The following TENM2 variants were observed in gnomAD, a reference collection of about 807,000 sequenced individuals.
TENM2 encodes the protein teneurin transmembrane protein 2, also known as teneurin-2.
A neutral mutation model predicts 245.2 loss-of-function variants in TENM2; 52 were observed. The ratio of observed to expected loss-of-function variants is 0.21; its 90% CI spans 0.17 to 0.27. The LOEUF (loss-of-function observed/expected upper bound fraction) is 0.27. Among genes scored for constraint, TENM2 ranks in the 10% least tolerant of loss-of-function variants. The probability of loss-of-function intolerance (pLI) is 1.00; values close to 1 mark genes in which losing one functional copy is unlikely to be tolerated. For missense variants in TENM2, 3,046 were observed against 3,666.8 expected, an observed-to-expected ratio of 0.83 and a Z score of 4.37; for synonymous variants, 1,363 against 1,438.9, an observed-to-expected ratio of 0.95 and a Z score of 1.19.
At chr5:167,321,404 G>T (rs973685978) in intron 1 of TENM2, among the ~76,000 whole-genome samples, 6 of 152,138 alleles carry the variant, frequency 3.9e-5, no homozygotes, top group Admixed American at 3.9e-4. Flanking sequence ...GAATCACATA[G>T]AAGTTATTTT....
At chr5:167,537,364 A>G (rs1486501742) in intron 2 of TENM2, among the ~76,000 whole-genome samples, 1 of 152,102 alleles carries the variant, frequency 6.6e-6, no homozygotes. Context: ...TGTATTTATT[A>G]TAATGCTGGT....
the TENM2 span, among the ~76,000 whole-genome samples, chr5:167,213,661 G>T: frequency 6.6e-6 from 1 of 152,164 alleles, no homozygotes; most frequent in Non-Finnish European, 1.5e-5. Context: ...TTGTGAGAAG[G>T]ATCTGACAAC....
the TENM2 span, among the ~76,000 whole-genome samples, chr5:167,077,891 C>T: frequency 2.0e-5 from 3 of 151,988 alleles, no homozygotes; most frequent in South Asian, 2.1e-4. Flanking sequence ...CAAAGTAGTC[C>T]AGAGGTGTTT....
chr5:167,920,878 C>T (rs528721213), intron 3 of TENM2, among the ~76,000 whole-genome samples: 1 of 152,254 alleles, frequency 6.6e-6, no homozygotes, highest in African/African-American at 2.4e-5. Context: ...AAAATGAACA[C>T]CTGACATATT....
rs540802602 is a variant in TENM2 at position 167,910,060 on chromosome 5, C to T, written c.712+33865C>T. 9.9e-5 allele frequency among the ~76,000 whole-genome samples: 15 copies of T among 152,102 alleles called. No individual in the cohort carries two copies. In the South Asian group the frequency reaches 3.1e-3, roughly 32 times the overall value. On this transcript the variant is annotated intron_variant, in intron 3 of 28. Transcript: ENST00000518659. ...GACTTCCACAAAATGAGATTTTGAT[C>T]TGGTACTTTTGGATGTGTAATTTAT...
chr5:167,867,458 C>T (rs2909799), intron 2 of TENM2, among the ~76,000 whole-genome samples: 2 of 151,946 alleles, frequency 1.3e-5, no homozygotes, highest in Admixed American at 6.5e-5. Context: ...TAACTGGGGC[C>T]GGTCCAACAG....
chr5:168,216,611 G>A (rs371785583), intron 21 of TENM2, among the ~76,000 whole-genome samples, 157 bp from the exon 24 acceptor site: 22 of 152,140 alleles, frequency 1.4e-4, no homozygotes, highest in Admixed American at 4.6e-4. Context: ...AGGATCTTGC[G>A]TTAGAAGGCT....
chr5:167,745,581 A>G (rs1761502618), intron 2 of TENM2, among the ~76,000 whole-genome samples: 1 of 152,214 alleles, frequency 6.6e-6, no homozygotes, highest in Non-Finnish European at 1.5e-5. Flanking sequence ...CACAATTTTC[A>G]GCAAATTTAT....
chr5:168,148,046 T>G (rs1432032074), intron 12 of TENM2, among the ~76,000 whole-genome samples: 1 of 152,172 alleles, frequency 6.6e-6, no homozygotes, highest in Non-Finnish European at 1.5e-5. Context: ...TGTAGCTTTA[T>G]TGGAAAAATC....
chr5:168,226,481 A>G (rs1316144738), intron 24 of TENM2, among the ~76,000 whole-genome samples: 1 of 152,172 alleles, frequency 6.6e-6, no homozygotes, highest in Non-Finnish European at 1.5e-5. Context: ...ACACCCAGCC[A>G]AATGTCTAGA....
At chr5:167,533,439 G>C (rs560149421) in intron 2 of TENM2, among the ~76,000 whole-genome samples, 1 of 151,916 alleles carries the variant, frequency 6.6e-6, no homozygotes, top group South Asian at 2.1e-4. Context: ...TTCTTTGTTT[G>C]TTTGTTTGTT....
chr5:168,055,523 T>C (rs1789463297), intron 6 of TENM2, among the ~76,000 whole-genome samples: 1 of 152,130 alleles, frequency 6.6e-6, no homozygotes, highest in Non-Finnish European at 1.5e-5. Context: ...CCCCTCCCAG[T>C]CTGCAGATGT....
chr5:167,577,315 G>A (rs1774770020), intron 2 of TENM2, among the ~76,000 whole-genome samples: 1 of 152,158 alleles, frequency 6.6e-6, no homozygotes. Context: ...AACCTATGTT[G>A]GAGAGCTTTC....
intron 2 of TENM2, among the ~76,000 whole-genome samples, chr5:167,664,175 A>G (rs1405063556): frequency 6.6e-6 from 1 of 152,196 alleles, no homozygotes; most frequent in Non-Finnish European, 1.5e-5. Flanking sequence ...GTAAAGTACA[A>G]CTGAGTCAAG....
chr5:167,523,181 G>T (rs1429842586), intron 2 of TENM2, among the ~76,000 whole-genome samples: 1 of 152,146 alleles, frequency 6.6e-6, no homozygotes, highest in Admixed American at 6.5e-5. Context: ...TACCTGATCA[G>T]ATCTTTTGCC....
chr5:167,640,335 T>C (rs1779472921), intron 2 of TENM2, among the ~76,000 whole-genome samples: 1 of 152,110 alleles, frequency 6.6e-6, no homozygotes, highest in Non-Finnish European at 1.5e-5. Context: ...TTGCTTGGTA[T>C]GGCCGGGCGC....
intron 1 of TENM2, among the ~76,000 whole-genome samples, chr5:167,289,217 C>T (rs1201358146): frequency 6.6e-6 from 1 of 152,142 alleles, no homozygotes; most frequent in Non-Finnish European, 1.5e-5. Flanking sequence ...CACCTTTTTG[C>T]ACAAACTCTC....
At chr5:167,462,186 C>A (rs1015891440) in intron 2 of TENM2, among the ~76,000 whole-genome samples, 1 of 127,034 alleles carries the variant, frequency 7.9e-6, no homozygotes, top group African/African-American at 2.9e-5. Context: ...CCCCCACCCC[C>A]CCCCCCCATT....
At chr5:168,033,796 G>A (rs1158650069) in intron 5 of TENM2, among the ~76,000 whole-genome samples, 1 of 151,998 alleles carries the variant, frequency 6.6e-6, no homozygotes, top group Non-Finnish European at 1.5e-5. Flanking sequence ...GGATTCTGAG[G>A]TGGGCAGATC....
Sources: allele counts gnomAD v4.1 joint callset (sites outside exome capture counted in the v4.1 genomes callset), GRCh38; gene constraint gnomAD v4.1.1; transcripts MANE v1.5; gene names NCBI Gene and HGNC (gene_info 2026-07-23, HGNC 2026-07-21).